MBD5: variants seen among roughly 807,000 people sequenced by gnomAD.
MBD5 encodes methyl-CpG-binding domain protein 5.
A neutral mutation model predicts 117.3 loss-of-function variants in MBD5; 13 were observed. The observed-to-expected ratio is 0.11, with a 90% confidence interval of 0.07 to 0.18. The LOEUF is 0.18. Ranked by LOEUF, MBD5 falls within the 10% of genes least tolerant of loss-of-function variation. The probability of loss-of-function intolerance (pLI) is 1.00; values close to 1 mark genes in which losing one functional copy is unlikely to be tolerated. For missense variants in MBD5, 1,879 were observed against 2,093.8 expected, an observed-to-expected ratio of 0.90 and a Z score of 2.00; for synonymous variants, 727 against 766.4, an observed-to-expected ratio of 0.95 and a Z score of 0.85.
intron 10 of MBD5, among the ~76,000 whole-genome samples, chr2:148,487,978 A>G (rs1350349797): frequency 6.6e-6 from 1 of 152,256 alleles, no homozygotes; most frequent in Admixed American, 6.5e-5. Flanking sequence ...CCATGAACAT[A>G]GTCATGTGCT....
intron 2 of MBD5, among the ~76,000 whole-genome samples, chr2:148,198,652 A>C (rs1374306581): frequency 6.6e-6 from 1 of 152,022 alleles, no homozygotes; most frequent in African/African-American, 2.4e-5. Context: ...GAAAGTTATA[A>C]ATATTTATAA....
intron 3 of MBD5, among the ~76,000 whole-genome samples, chr2:148,333,980 T>G (rs1702724871): frequency 6.6e-6 from 1 of 152,236 alleles, no homozygotes; most frequent in Admixed American, 6.5e-5. Context: ...TGGTGGCAGT[T>G]AATTAGAAAG....
chr2:148,466,928 T>C (rs1186631162), intron 7 of MBD5, among the ~76,000 whole-genome samples: 4 of 152,212 alleles, frequency 2.6e-5, no homozygotes, highest in African/African-American at 9.6e-5. Flanking sequence ...ACCTGTATAG[T>C]GTCTAGCAGA....
chr2:148,238,808 TCCC>T (rs1700146580), intron 3 of MBD5, among the ~76,000 whole-genome samples: 1 of 152,094 alleles, frequency 6.6e-6, no homozygotes. Context: ...CATGGCATTC[TCCC>T]TGTGTGTCTG....
At chr2:148,262,775 C>G (rs1700762309) in intron 3 of MBD5, among the ~76,000 whole-genome samples, 2 of 152,326 alleles carry the variant, frequency 1.3e-5, no homozygotes, top group Middle Eastern at 3.4e-3. Flanking sequence ...ATTGAAAACT[C>G]AGCAGTCAGA....
chr2:148,270,429 C>G (rs1558999212), intron 3 of MBD5, among the ~76,000 whole-genome samples: 1 of 149,680 alleles, frequency 6.7e-6, no homozygotes, highest in Non-Finnish European at 1.5e-5. Flanking sequence ...AACCCTGTCA[C>G]CCAGACTGGA....
chr2:148,155,035 A>G (rs1697832831), intron 1 of MBD5, among the ~76,000 whole-genome samples: 1 of 152,220 alleles, frequency 6.6e-6, no homozygotes, highest in African/African-American at 2.4e-5. Context: ...ACAAACAAAT[A>G]TTTACCTCTC....
At chr2:148,397,093 A>G (rs1704740427) in intron 4 of MBD5, among the ~76,000 whole-genome samples, 1 of 152,174 alleles carries the variant, frequency 6.6e-6, no homozygotes, top group African/African-American at 2.4e-5. Flanking sequence ...TTACTCAAGT[A>G]TATACCTTTT....
intron 1 of MBD5, among the ~76,000 whole-genome samples, chr2:148,117,544 C>T (rs771448536): frequency 7.2e-5 from 11 of 152,070 alleles, no homozygotes; most frequent in Non-Finnish European, 1.2e-4. Context: ...CAGTCCAGGA[C>T]ATACCTATAT....
At chr2:148,375,787 C>A (rs1703970809) in intron 4 of MBD5, among the ~76,000 whole-genome samples, 1 of 151,952 alleles carries the variant, frequency 6.6e-6, no homozygotes, top group Non-Finnish European at 1.5e-5. Flanking sequence ...TTCTAAGGAT[C>A]AGATATTTCT....
At chr2:148,196,057 C>G (rs987847909) in intron 2 of MBD5, among the ~76,000 whole-genome samples, 3 of 152,156 alleles carry the variant, frequency 2.0e-5, no homozygotes, top group Admixed American at 1.3e-4. Context: ...TTGTTGCAGT[C>G]TGGCCTGGCT....
At chr2:148,435,075 G>A (rs1005960211) in intron 4 of MBD5, among the ~76,000 whole-genome samples, 9 of 152,036 alleles carry the variant, frequency 5.9e-5, no homozygotes, top group Admixed American at 5.9e-4. Context: ...AATTGGAGTA[G>A]CAACCTCTGC....
intron 3 of MBD5, among the ~76,000 whole-genome samples, chr2:148,270,687 C>G (rs546496142): frequency 6.6e-6 from 1 of 152,086 alleles, no homozygotes; most frequent in South Asian, 2.1e-4. Context: ...CCATGTTTGG[C>G]CTCACAACTT....
At chr2:148,311,580 G>A (rs1198587652) in intron 3 of MBD5, among the ~76,000 whole-genome samples, 1 of 152,156 alleles carries the variant, frequency 6.6e-6, no homozygotes, top group Non-Finnish European at 1.5e-5. Flanking sequence ...ACAGCACACT[G>A]ATGGGTCCTG....
At chr2:148,249,379 T>C (rs1700413581) in intron 3 of MBD5, among the ~76,000 whole-genome samples, 1 of 152,148 alleles carries the variant, frequency 6.6e-6, no homozygotes, top group African/African-American at 2.4e-5. Flanking sequence ...CAAAATCCAC[T>C]GCCATGAGTT....
chr2:148,082,025 T>C (rs1695659923), intron 1 of MBD5, among the ~76,000 whole-genome samples: 2 of 152,228 alleles, frequency 1.3e-5, no homozygotes, highest in African/African-American at 4.8e-5. Flanking sequence ...ATCATTCTGC[T>C]TCCATTCTGT....
intron 1 of MBD5, among the ~76,000 whole-genome samples, chr2:148,142,450 G>A (rs1032711312): frequency 1.3e-5 from 2 of 152,150 alleles, no homozygotes; most frequent in African/African-American, 4.8e-5. Flanking sequence ...AAAATTGTAA[G>A]GGAAACAAAT....
chr2:148,281,676 C>CT (rs1404201445), intron 3 of MBD5, among the ~76,000 whole-genome samples: 2 of 151,950 alleles, frequency 1.3e-5, no homozygotes, highest in Non-Finnish European at 2.9e-5. Flanking sequence ...CTGACAGTGA[C>CT]TTTTTTTTCT....
In MBD5 at chr2:148,359,991, G is replaced by T. The variant is rs531282430; in HGVS notation, c.-557+17655G>T. On this transcript the variant is annotated intron_variant, in intron 4 of 13. Transcript: ENST00000642680. The stretch of plus-strand genomic sequence containing the variant: ...CCTTCACATAAAAACTTGGAAAAAG[G>T]GCAAGAAGAAATTTTAAATCCATAA... Among the ~76,000 whole-genome samples the T allele has an allele frequency of 2.6e-4, 40 of 151,778 alleles. 1 individual carries two copies. The South Asian group carries it at 7.9e-3, about 30-fold the overall frequency.
Sources: allele counts gnomAD v4.1 joint callset (sites outside exome capture counted in the v4.1 genomes callset), GRCh38; gene constraint gnomAD v4.1.1; transcripts MANE v1.5; gene names NCBI Gene and HGNC (gene_info 2026-07-23, HGNC 2026-07-21).